PLD5: variants seen among roughly 807,000 people sequenced by gnomAD.
PLD5 encodes the protein phospholipase D family member 5, also known as inactive phospholipase D5.
PLD5 carries 36 observed loss-of-function variants against 61.1 expected under a neutral mutation model. The ratio of observed to expected loss-of-function variants is 0.59; its 90% CI spans 0.45 to 0.78. PLD5 has a LOEUF of 0.78. Ranked by LOEUF, PLD5 falls within the 30% of genes least tolerant of loss-of-function variation. PLD5 has a pLI of 0.00. For synonymous variants in PLD5, 243 were observed against 242.8 expected (o/e 1.00, Z -0.01); for missense variants, 515 against 644.4 (o/e 0.80, Z 2.17).
chr1:242,114,799 AAAG>A (rs1661813086), intron 6 of PLD5, among the ~76,000 whole-genome samples: 1 of 152,188 alleles, frequency 6.6e-6, no homozygotes, highest in East Asian at 1.9e-4. Context: ...AGTTGCACAA[AAAG>A]AAGCTCAGGG....
At chr1:242,489,496 G>A (rs1192942858) in intron 1 of PLD5, among the ~76,000 whole-genome samples, 6 of 152,020 alleles carry the variant, frequency 3.9e-5, no homozygotes, top group Admixed American at 3.9e-4. Context: ...AAGAGGCAGC[G>A]AAAGAGGATG....
chr1:242,215,610 C>T (rs1429557754), intron 5 of PLD5, among the ~76,000 whole-genome samples: 1 of 152,092 alleles, frequency 6.6e-6, no homozygotes, highest in Non-Finnish European at 1.5e-5. Context: ...AGGTATGCTT[C>T]CACACCCCCT....
At chr1:242,427,575 G>C (rs1665501833) in intron 1 of PLD5, among the ~76,000 whole-genome samples, 1 of 152,226 alleles carries the variant, frequency 6.6e-6, no homozygotes. Flanking sequence ...TTTTGAATCA[G>C]CAGGTCTTAA....
chr1:242,485,056 AT>A (rs1422909081), intron 1 of PLD5, among the ~76,000 whole-genome samples: 1 of 152,174 alleles, frequency 6.6e-6, no homozygotes, highest in East Asian at 1.9e-4. Flanking sequence ...GATGGGATGT[AT>A]CTCAAAATAA....
intron 1 of PLD5, among the ~76,000 whole-genome samples, chr1:242,476,494 T>A (rs1388002177): frequency 6.6e-6 from 1 of 152,122 alleles, no homozygotes; most frequent in South Asian, 2.1e-4. Context: ...TTAGAATAAG[T>A]AAAAACTGGT....
chr1:242,260,614 T>C (rs1673326618), intron 4 of PLD5, among the ~76,000 whole-genome samples: 1 of 152,196 alleles, frequency 6.6e-6, no homozygotes, highest in Non-Finnish European at 1.5e-5. Context: ...ATGAAAGCAA[T>C]GGAAAGCCTT....
chr1:242,279,457 C>T (rs967950624), intron 3 of PLD5, among the ~76,000 whole-genome samples: 14 of 152,180 alleles, frequency 9.2e-5, no homozygotes, highest in African/African-American at 2.9e-4. Flanking sequence ...GTGACTCTGA[C>T]TGGCAGCCAC....
intron 4 of PLD5, among the ~76,000 whole-genome samples, chr1:242,263,759 A>T (rs923819898): frequency 6.6e-6 from 1 of 152,240 alleles, no homozygotes; most frequent in African/African-American, 2.4e-5. Flanking sequence ...TGCAATTACT[A>T]TAATGAAATT....
chr1:242,212,637 G>C (rs529072561), intron 5 of PLD5, among the ~76,000 whole-genome samples: 1 of 152,192 alleles, frequency 6.6e-6, no homozygotes, highest in African/African-American at 2.4e-5. Context: ...GAGCAGTACA[G>C]AAAGAAGCAG....
intron 1 of PLD5, among the ~76,000 whole-genome samples, chr1:242,481,453 C>T (rs7534356): frequency 0.38 from 58,166 of 152,082 alleles, 11,785 homozygotes; most frequent in African/African-American, 0.51. Flanking sequence ...CATGGAGCCT[C>T]GCTCATTGCT....
chr1:242,279,820 C>G (rs1350495215), intron 3 of PLD5, among the ~76,000 whole-genome samples: 2 of 152,228 alleles, frequency 1.3e-5, no homozygotes, highest in Non-Finnish European at 2.9e-5. Context: ...GCGTTGGCCA[C>G]CACGCCCGGC....
intron 2 of PLD5, among the ~76,000 whole-genome samples, chr1:242,289,132 T>A (rs2937880): frequency 0.058 from 8,804 of 152,306 alleles, 300 homozygotes; most frequent in Middle Eastern, 0.11. Flanking sequence ...AATTATAGTA[T>A]TAATCAAGCC....
At chr1:242,385,735 T>C (rs564889294) in intron 1 of PLD5, among the ~76,000 whole-genome samples, 1 of 152,268 alleles carries the variant, frequency 6.6e-6, no homozygotes, top group African/African-American at 2.4e-5. Context: ...TATTCTGAGA[T>C]GATGAGGGAA....
chr1:242,246,292 G>C (rs1228425314), intron 4 of PLD5, among the ~76,000 whole-genome samples: 1 of 152,080 alleles, frequency 6.6e-6, no homozygotes, highest in Non-Finnish European at 1.5e-5. Flanking sequence ...GTTGAACCCA[G>C]GAATTCACGG....
chr1:242,181,790 T>C (rs1239376702), intron 5 of PLD5, among the ~76,000 whole-genome samples: 1 of 151,872 alleles, frequency 6.6e-6, no homozygotes, highest in African/African-American at 2.4e-5. Flanking sequence ...CTCCAGGCAC[T>C]CACCACCATG....
Position 242,181,500 on chromosome 1 carries a change from G to A in PLD5, c.735+38488C>T, listed in dbSNP as rs117696851. 1.9e-4 allele frequency among the ~76,000 whole-genome samples: 29 copies of A among 152,136 alleles called. No individual in the cohort carries two copies. The East Asian group carries it at 5.0e-3, about 26-fold the overall frequency. On this transcript the variant is annotated intron_variant, in intron 5 of 9. Coordinates refer to ENST00000536534, the MANE Select transcript of PLD5 (RefSeq NM_001372062.1). ...TTTTTTTTAACATGCAGAAGACTTAGCATAACATACATGGTCTCATTATAT... is the reference window on the plus strand; with the variant it reads ...TTTTTTTTAACATGCAGAAGACTTAACATAACATACATGGTCTCATTATAT...
At chr1:242,241,867 T>A (rs1672029521) in intron 4 of PLD5, among the ~76,000 whole-genome samples, 1 of 53,934 alleles carries the variant, frequency 1.9e-5, no homozygotes, top group Non-Finnish European at 3.5e-5. Context: ...TTGCTTTACT[T>A]ACTATATATA....
At chr1:242,366,036 A>G (rs1479583157) in intron 1 of PLD5, among the ~76,000 whole-genome samples, 4 of 152,210 alleles carry the variant, frequency 2.6e-5, no homozygotes, top group South Asian at 2.1e-4. Context: ...TGCCAATTCT[A>G]TTCAAGATAT....
chr1:242,408,356 T>C (rs989494105), intron 1 of PLD5, among the ~76,000 whole-genome samples: 6 of 152,206 alleles, frequency 3.9e-5, no homozygotes, highest in African/African-American at 1.4e-4. Context: ...GTTTGGAGGT[T>C]TGTCCCCTCC....
Sources: gnomAD v4.1 joint callset for allele counts (sites outside exome capture counted in the v4.1 genomes callset) on GRCh38, gnomAD v4.1.1 for gene constraint, MANE v1.5 for transcripts, NCBI Gene and HGNC (gene_info 2026-07-23, HGNC 2026-07-21) for gene names.